Variants in BRAF observed in about 807,000 individuals in gnomAD.
BRAF encodes the protein serine/threonine-protein kinase B-raf.
A neutral mutation model predicts 104.6 loss-of-function variants in BRAF; 16 were observed. That is an observed-to-expected ratio of 0.15 (90% confidence interval 0.10 to 0.23). The LOEUF (loss-of-function observed/expected upper bound fraction) is 0.23. Among genes scored for constraint, BRAF ranks in the 10% least tolerant of loss-of-function variants. The probability of loss-of-function intolerance (pLI) is 1.00; values close to 1 mark genes in which losing one functional copy is unlikely to be tolerated. For synonymous variants in BRAF, 310 were observed against 341.6 expected (o/e 0.91, Z 1.02); for missense variants, 541 against 937.3 (o/e 0.58, Z 5.52).
chr7:140,771,368 G>T (rs955018255), intron 14 of BRAF, among the ~76,000 whole-genome samples: 1 of 151,538 alleles, frequency 6.6e-6, no homozygotes, highest in Admixed American at 6.6e-5. Context: ...GCTAATTTTT[G>T]TATTTTTTGT....
intron 14 of BRAF, among the ~76,000 whole-genome samples, chr7:140,767,752 G>A (rs748037655): frequency 6.6e-6 from 1 of 152,180 alleles, no homozygotes; most frequent in Non-Finnish European, 1.5e-5. Flanking sequence ...ACACCCTGGA[G>A]CTGAAGTACC....
intron 1 of BRAF, among the ~76,000 whole-genome samples, chr7:140,896,699 C>T (rs1814945475): frequency 6.6e-6 from 1 of 152,004 alleles, no homozygotes; most frequent in Admixed American, 6.6e-5. Flanking sequence ...AACTCCGTCT[C>T]TACTGAAAAT....
At position 140,888,753 on chromosome 7, in the gene BRAF, T is replaced by C. The variant is rs543799500; in HGVS notation, c.138+35813A>G. Among the ~76,000 whole-genome samples the C allele has an allele frequency of 2.0e-4, 31 of 151,988 alleles. 1 individual carries two copies. The highest frequency in any genetic ancestry group is 6.8e-4 in the African/African-American group (28 of 41,426). On this transcript the variant is annotated intron_variant, in intron 1 of 19. Coordinates refer to ENST00000644969, the MANE Select transcript of BRAF (RefSeq NM_001374258.1). ...AGGAGGCTGTGGCAAGAGAATCGCTTGAATCTGGGAGGTGGAGGTTGCAGT... is the reference window on the plus strand; with the variant it reads ...AGGAGGCTGTGGCAAGAGAATCGCTCGAATCTGGGAGGTGGAGGTTGCAGT...
chr7:140,719,337 T>G lies in BRAF; in HGVS notation c.*7157A>C. 1.0e-6 allele frequency: 1 copy of G among 982,590 alleles called. No homozygotes were observed. The allele number at this position is 982,590 out of a possible 1,614,324, so 60.9% of individuals were successfully genotyped here. ...GAAAAATAGTCTTGATGAAGACTTC[T>G]CCATGCAGTCAATCTTTATTATAGC... On this transcript the variant is annotated 3_prime_UTR_variant, in exon 20 of 20. Coordinates refer to ENST00000644969, the MANE Select transcript of BRAF (RefSeq NM_001374258.1).
chr7:140,725,734 T>C lies in BRAF; in HGVS notation c.*760A>G, dbSNP rs1585897127. ...AAACCCAAACACTTATCTTCATTGC[T>C]GGACCCAATGAGAAAGAAGGCAATG... is the stretch of plus-strand genomic sequence containing the variant. On this transcript the variant is annotated 3_prime_UTR_variant, in exon 20 of 20. Coordinates refer to ENST00000644969, the MANE Select transcript of BRAF (RefSeq NM_001374258.1). 1 of 1,058,960 alleles carries C rather than the reference T, an allele frequency of 9.4e-7. No homozygotes were observed. The highest frequency in any genetic ancestry group is 4.2e-4 in the Middle Eastern group (1 of 2,380). 65.6% of individuals were successfully genotyped at this position (1,058,960 alleles called of 1,614,324 possible).
Position 140,724,755 on chromosome 7 carries a change from T to C in BRAF, c.*1739A>G. On this transcript the variant is annotated 3_prime_UTR_variant, in exon 20 of 20. Transcript: ENST00000644969. Reference sequence around the variant, plus strand: ...TTGATTTATTCTGGGTCTTGTTTAATTTCTTTCAAGTCCTTGGCTATAGCT... The same window carrying C: ...TTGATTTATTCTGGGTCTTGTTTAACTTCTTTCAAGTCCTTGGCTATAGCT... 9.7e-7 allele frequency: 1 copy of C among 1,034,384 alleles called. No homozygotes were observed. The highest frequency in any genetic ancestry group is 1.2e-6 in the Non-Finnish European group (1 of 859,628). 64.1% of individuals were successfully genotyped at this position (1,034,384 alleles called of 1,614,324 possible).
At chr7:140,795,306 T>C (rs1012911041) in intron 7 of BRAF, among the ~76,000 whole-genome samples, 2 of 152,136 alleles carry the variant, frequency 1.3e-5, no homozygotes, top group African/African-American at 4.8e-5. Flanking sequence ...CTTGGAAGGA[T>C]GTAGCCCCTC....
rs1259159321 is a variant in BRAF, at chr7:140,918,550, T to C, written c.138+6016A>G. ...TTGGGGGCCCCTGGTATAGAGGCAC[T>C]AAACAGAGCCCTGGGGTAACCTCTG... On this transcript the variant is annotated intron_variant, in intron 1 of 19. Coordinates refer to ENST00000644969, the MANE Select transcript of BRAF (RefSeq NM_001374258.1). Among the ~76,000 whole-genome samples, 3 of 152,262 alleles carry C rather than the reference T, an allele frequency of 2.0e-5. No homozygotes were observed. In the East Asian group the frequency reaches 5.8e-4, roughly 29 times the overall value.
At chr7:140,735,608 G>C (rs1796340544) in intron 18 of BRAF, among the ~76,000 whole-genome samples, 1 of 151,404 alleles carries the variant, frequency 6.6e-6, no homozygotes, top group African/African-American at 2.4e-5. Context: ...CCAGGCTGGA[G>C]TGCAGTGGCA....
intron 1 of BRAF, among the ~76,000 whole-genome samples, chr7:140,911,628 A>C (rs566574129): frequency 8.5e-5 from 13 of 152,324 alleles, no homozygotes; most frequent in African/African-American, 3.1e-4. Context: ...TCTGTATTTC[A>C]GGTGGTAGGA....
Position 140,719,439 on chromosome 7 carries a change from C to T in BRAF, c.*7055G>A. 1 of 1,010,602 alleles carries T rather than the reference C, an allele frequency of 9.9e-7. No individual in the cohort carries two copies. The highest frequency in any genetic ancestry group is 1.2e-6 in the Non-Finnish European group (1 of 837,538). 62.6% of individuals were successfully genotyped at this position (1,010,602 alleles called of 1,614,324 possible). On this transcript the variant is annotated 3_prime_UTR_variant, in exon 20 of 20. Transcript: ENST00000644969. ...AATACAGTTTTTAAATAACTTTACA[C>T]AGAAATAAATTTCTTCAATCTGAAT...
chr7:140,771,249 G>A (rs1177685724), intron 14 of BRAF, among the ~76,000 whole-genome samples: 2 of 152,196 alleles, frequency 1.3e-5, no homozygotes, highest in Non-Finnish European at 2.9e-5. Context: ...AGGGCGGAGT[G>A]TAGTGGCACG....
the BRAF span, among the ~76,000 whole-genome samples, chr7:140,713,514 A>G: frequency 6.6e-6 from 1 of 151,602 alleles, no homozygotes. Flanking sequence ...CCATTCATCT[A>G]ATTTTTTTTC....
At chr7:140,887,186 T>C (rs1226295330) in intron 1 of BRAF, among the ~76,000 whole-genome samples, 1 of 152,202 alleles carries the variant, frequency 6.6e-6, no homozygotes, top group Non-Finnish European at 1.5e-5. Flanking sequence ...TGAGAGAAAC[T>C]GTAGTTCCAA....
At chr7:140,755,291 T>C (rs1027981722) in intron 14 of BRAF, among the ~76,000 whole-genome samples, 8 of 152,186 alleles carry the variant, frequency 5.3e-5, no homozygotes, top group African/African-American at 1.7e-4. Context: ...CCGGAGAGAA[T>C]AGCTATATGA....
chr7:140,798,472 G>A (rs1802728572), intron 7 of BRAF, among the ~76,000 whole-genome samples: 1 of 151,212 alleles, frequency 6.6e-6, no homozygotes, highest in African/African-American at 2.4e-5. Context: ...GTGTTAGCCA[G>A]GATGGTCATG....
intron 1 of BRAF, among the ~76,000 whole-genome samples, chr7:140,895,720 T>A (rs1814806322): frequency 6.6e-6 from 1 of 152,226 alleles, no homozygotes; most frequent in Non-Finnish European, 1.5e-5. Flanking sequence ...TAACGTGATG[T>A]CCTCCAGTTC....
intron 2 of BRAF, among the ~76,000 whole-genome samples, chr7:140,849,220 C>A (rs1410421489): frequency 6.6e-6 from 1 of 152,124 alleles, no homozygotes; most frequent in East Asian, 1.9e-4. Flanking sequence ...TGACTGACTA[C>A]TTAAGAAAAC....
rs1194361956 is a variant in BRAF, at chr7:140,724,145, AC to A, written c.*2348del. 1.0e-4 allele frequency: 110 copies of A among 1,054,308 alleles called. No individual in the cohort carries two copies. Among genetic ancestry groups the A allele is most frequent in the Non-Finnish European group, 1.2e-4 (107 of 872,402 alleles). The allele number at this position is 1,054,308 out of a possible 1,614,324, so 65.3% of individuals were successfully genotyped here. A position where few individuals can be genotyped will look rare whatever the true frequency, so the allele number is the denominator to read the frequency against. ...AATGCAAGGGAAGAAAAAGTGTATCACCCTGAATATTGTTTAAGAAACTGAA... is the reference window on the plus strand; with the variant it reads ...AATGCAAGGGAAGAAAAAGTGTATCACCTGAATATTGTTTAAGAAACTGAA... On this transcript the variant is annotated 3_prime_UTR_variant, in exon 20 of 20. Transcript: ENST00000644969.
Sources: gnomAD v4.1 joint callset for allele counts (sites outside exome capture counted in the v4.1 genomes callset) on GRCh38, gnomAD v4.1.1 for gene constraint, MANE v1.5 for transcripts, NCBI Gene and HGNC (gene_info 2026-07-23, HGNC 2026-07-21) for gene names.